Variants in CAMK1D observed in about 807,000 individuals in gnomAD.
The protein encoded by CAMK1D is calcium/calmodulin dependent protein kinase ID, also known as calcium/calmodulin-dependent protein kinase type 1D.
In CAMK1D, 9 loss-of-function variants were observed where a neutral mutation model predicts 47.7. The ratio of observed to expected loss-of-function variants is 0.19; its 90% CI spans 0.11 to 0.33. The LOEUF (loss-of-function observed/expected upper bound fraction) is 0.33, where lower values mean the gene tolerates loss of function less well. CAMK1D is among the 10% of genes least tolerant of loss of function. CAMK1D has a pLI of 1.00. For synonymous variants in CAMK1D, 184 were observed against 184.9 expected (o/e 0.99, Z 0.04); for missense variants, 291 against 488.7 (o/e 0.60, Z 3.81).
chr10:12,479,856 A>G (rs1434996141), intron 1 of CAMK1D, among the ~76,000 whole-genome samples: 3 of 152,188 alleles, frequency 2.0e-5, no homozygotes, highest in African/African-American at 7.2e-5. Context: ...AAGCAACAAT[A>G]AAATCCACTA....
At chr10:12,696,144 G>A (rs1224440220) in intron 3 of CAMK1D, among the ~76,000 whole-genome samples, 2 of 151,986 alleles carry the variant, frequency 1.3e-5, no homozygotes, top group African/African-American at 4.8e-5. Context: ...TGGAAATCTT[G>A]CCATACTTTT....
At chr10:12,820,968 G>T (rs983710778) in intron 8 of CAMK1D, among the ~76,000 whole-genome samples, 2 of 152,216 alleles carry the variant, frequency 1.3e-5, no homozygotes, top group Non-Finnish European at 2.9e-5. Context: ...TCATCTCTAG[G>T]CTCATTGATA....
At chr10:12,351,395 C>T (rs1433495208) in intron 1 of CAMK1D, among the ~76,000 whole-genome samples, 5 of 152,094 alleles carry the variant, frequency 3.3e-5, no homozygotes, top group Non-Finnish European at 7.4e-5. Context: ...GAGGTTTATT[C>T]GGGTTTGGGG....
intron 1 of CAMK1D, among the ~76,000 whole-genome samples, chr10:12,357,734 A>AG (rs1420954038): frequency 2.0e-5 from 3 of 152,156 alleles, no homozygotes; most frequent in Non-Finnish European, 4.4e-5. Flanking sequence ...GTGCTTATTT[A>AG]GTGCAGGAGG....
intron 6 of CAMK1D, among the ~76,000 whole-genome samples, chr10:12,797,505 C>A (rs1041014645): frequency 6.6e-6 from 1 of 152,086 alleles, no homozygotes; most frequent in African/African-American, 2.4e-5. Flanking sequence ...CAGTGCCCAG[C>A]CCCTACTGAC....
At chr10:12,473,016 G>C (rs1020563051) in intron 1 of CAMK1D, among the ~76,000 whole-genome samples, 1 of 152,212 alleles carries the variant, frequency 6.6e-6, no homozygotes, top group Non-Finnish European at 1.5e-5. Context: ...AGAGGAAAGT[G>C]AGCGTATGCC....
intron 3 of CAMK1D, among the ~76,000 whole-genome samples, chr10:12,685,515 A>G (rs773584340): frequency 2.0e-4 from 31 of 152,246 alleles, no homozygotes; most frequent in Non-Finnish European, 2.9e-4. Context: ...AAGTTGGGTC[A>G]AAGATATGCC....
At chr10:12,546,663 A>G (rs994275229) in intron 1 of CAMK1D, among the ~76,000 whole-genome samples, 1 of 152,092 alleles carries the variant, frequency 6.6e-6, no homozygotes, top group African/African-American at 2.4e-5. Flanking sequence ...CTTTGTAGGG[A>G]CATGGATGAA....
At chr10:12,628,835 C>T (rs1331501093) in intron 2 of CAMK1D, among the ~76,000 whole-genome samples, 1 of 152,218 alleles carries the variant, frequency 6.6e-6, no homozygotes, top group Admixed American at 6.5e-5. Context: ...TTTTCACCGT[C>T]TTCATAGTTT....
At chr10:12,490,619 T>G (rs1307394914) in intron 1 of CAMK1D, among the ~76,000 whole-genome samples, 2 of 152,076 alleles carry the variant, frequency 1.3e-5, no homozygotes, top group African/African-American at 4.8e-5. Context: ...GAGGCCGAGG[T>G]GGGCCGATCA....
intron 3 of CAMK1D, chr10:12,760,694 C>T (rs1462439826): frequency 9.2e-6 from 4 of 433,428 alleles, no homozygotes; most frequent in South Asian, 2.8e-5. Flanking sequence ...GAGGCAGAGG[C>T]CTGGACAGAA....
At chr10:12,406,706 A>C (rs1034000304) in intron 1 of CAMK1D, among the ~76,000 whole-genome samples, 1 of 140,158 alleles carries the variant, frequency 7.1e-6, no homozygotes, top group African/African-American at 2.7e-5. Context: ...CTGGGTGACA[A>C]AATGAGACCC....
chr10:12,491,157 GTGTGTGTGTGTGTCTGCGTGCA>G (rs1834373068), intron 1 of CAMK1D, among the ~76,000 whole-genome samples: 2 of 151,920 alleles, frequency 1.3e-5, no homozygotes, highest in South Asian at 4.2e-4. Context: ...GTATGTGTGT[GTGTGTGTGTGTGTCTGCGTGCA>G]TGTGTGTGCA....
chr10:12,671,911 C>CTTTT (rs773722384), intron 3 of CAMK1D, among the ~76,000 whole-genome samples: 5 of 98,906 alleles, frequency 5.1e-5, no homozygotes, highest in Admixed American at 1.0e-4. Context: ...TCACCTAATT[C>CTTTT]TTTTTTTTTT....
chr10:12,752,013 G>GTCCAC (rs1836012010), intron 3 of CAMK1D, among the ~76,000 whole-genome samples: 4 of 148,376 alleles, frequency 2.7e-5, no homozygotes, highest in African/African-American at 1.0e-4. Context: ...GTGGAGTCTT[G>GTCCAC]CTCTGTCACC....
intron 3 of CAMK1D, among the ~76,000 whole-genome samples, chr10:12,715,860 C>T (rs1834112474): frequency 6.6e-6 from 1 of 151,480 alleles, no homozygotes; most frequent in Admixed American, 6.6e-5. Context: ...CAGGTGCGCG[C>T]CACGATGCCT....
intron 1 of CAMK1D, among the ~76,000 whole-genome samples, chr10:12,507,266 C>A (rs1411672017): frequency 6.6e-6 from 1 of 152,192 alleles, no homozygotes; most frequent in African/African-American, 2.4e-5. Flanking sequence ...GCTAAAAGAG[C>A]TCTTGAAGTC....
At chr10:12,605,342 GT>G in intron 2 of CAMK1D, among the ~76,000 whole-genome samples, 1 of 150,058 alleles carries the variant, frequency 6.7e-6, no homozygotes, top group East Asian at 2.1e-4. Flanking sequence ...ATTCAAGTGT[GT>G]GTGTGTGTGT....
At chr10:12,812,250 G>T (rs966650299) in intron 6 of CAMK1D, among the ~76,000 whole-genome samples, 7 of 152,228 alleles carry the variant, frequency 4.6e-5, no homozygotes, top group Admixed American at 4.6e-4. Flanking sequence ...CATTAGACTG[G>T]TCCCTAGGCT....
Sources: gnomAD v4.1 joint callset for allele counts (sites outside exome capture counted in the v4.1 genomes callset) on GRCh38, gnomAD v4.1.1 for gene constraint, MANE v1.5 for transcripts, NCBI Gene and HGNC (gene_info 2026-07-23, HGNC 2026-07-21) for gene names.